The following TRAK1 variants were observed in gnomAD, a reference collection of about 807,000 sequenced individuals.
TRAK1 encodes trafficking kinesin protein 1.
TRAK1 carries 33 observed loss-of-function variants against 92.1 expected under a neutral mutation model. The observed-to-expected ratio is 0.36, with a 90% confidence interval of 0.27 to 0.48. TRAK1 has a LOEUF of 0.48. Ranked by LOEUF, TRAK1 falls within the 20% of genes least tolerant of loss-of-function variation. TRAK1 has a pLI of 0.99. For missense variants in TRAK1, 1,123 were observed against 1,257.9 expected (o/e 0.89, Z 1.62); for synonymous variants, 521 against 517.3 (o/e 1.01, Z -0.10).
intron 1 of TRAK1, among the ~76,000 whole-genome samples, chr3:42,109,966 C>G (rs1343575670): frequency 1.3e-5 from 2 of 148,950 alleles, no homozygotes; most frequent in African/African-American, 2.5e-5. Flanking sequence ...GTAGGGGTGG[C>G]GGGGGGGATG....
At chr3:42,124,364 A>G (rs547857716) in intron 1 of TRAK1, among the ~76,000 whole-genome samples, 1 of 152,306 alleles carries the variant, frequency 6.6e-6, no homozygotes, top group East Asian at 1.9e-4. Flanking sequence ...GATACAGTGG[A>G]TGATGCCAGA....
At chr3:42,061,630 T>C (rs1311059942) in intron 1 of TRAK1, among the ~76,000 whole-genome samples, 1 of 152,202 alleles carries the variant, frequency 6.6e-6, no homozygotes, top group African/African-American at 2.4e-5. Flanking sequence ...CCAGCCATCA[T>C]GTGAGAATTC....
intron 1 of TRAK1, among the ~76,000 whole-genome samples, chr3:42,052,509 C>T (rs1262540091): frequency 2.0e-5 from 3 of 152,212 alleles, no homozygotes; most frequent in African/African-American, 7.2e-5. Flanking sequence ...AAATAACCCT[C>T]CAGCTTAAGG....
chr3:42,121,616 G>A (rs1043096525), intron 1 of TRAK1, among the ~76,000 whole-genome samples: 8 of 152,144 alleles, frequency 5.3e-5, no homozygotes, highest in African/African-American at 1.9e-4. Context: ...GGCCTTGGAT[G>A]TGTCCTCCCC....
chr3:42,112,752 A>AAAAG (rs1553720684), intron 1 of TRAK1, among the ~76,000 whole-genome samples: 7,862 of 139,380 alleles, frequency 0.056, 427 homozygotes, highest in Middle Eastern at 0.11. Flanking sequence ...AAAAAAAAAA[A>AAAAG]AAAACCAACT....
intron 7 of TRAK1, 102 bp from the exon 8 acceptor site, chr3:42,192,973 A>G (rs1450435843): frequency 9.3e-6 from 14 of 1,507,846 alleles, no homozygotes; most frequent in Non-Finnish European, 1.2e-5. Flanking sequence ...GTCTTTTAGT[A>G]AGGATGGTTT....
chr3:42,204,797 G>T (rs1708137282), intron 13 of TRAK1, among the ~76,000 whole-genome samples: 1 of 152,048 alleles, frequency 6.6e-6, no homozygotes, highest in African/African-American at 2.4e-5. Context: ...GCCTAGGCCG[G>T]TCTTGAACCA....
intron 10 of TRAK1, 152 bp downstream of exon 10, chr3:42,195,093 T>A: frequency 1.0e-6 from 1 of 969,364 alleles, no homozygotes; most frequent in Non-Finnish European, 1.5e-6. Context: ...CACTTGAATC[T>A]GACTGGTGGT....
At position 42,119,998 on chromosome 3, in the gene TRAK1, C is replaced by T. The variant is rs537324698; in HGVS notation, c.92-5422C>T. On this transcript the variant is annotated intron_variant, in intron 1 of 15. Transcript: ENST00000327628. ...GGAGGGTCATTTGAGGTCAGGAGTT[C>T]GAGACTAGCCTGGTCACCACAGTGA... Among the ~76,000 whole-genome samples the T allele has an allele frequency of 8.0e-4, 122 of 152,024 alleles. No homozygotes were observed. In the Middle Eastern group the frequency reaches 0.014, roughly 17 times the overall value.
chr3:42,193,905 A>G lies in TRAK1; in HGVS notation c.975+7A>G. The stretch of plus-strand genomic sequence containing the variant: ...GCGGCAGCTCACAGCCGAGGTGAGC[A>G]CCTCTCCCTCATTCCTTCAGTGCCT... On this transcript the variant is annotated splice_region_variant and intron_variant, in intron 9 of 15. Coordinates refer to ENST00000327628, the MANE Select transcript of TRAK1 (RefSeq NM_001042646.3). 6.2e-7 allele frequency: 1 copy of G among 1,613,000 alleles called. No individual in the cohort carries two copies. Among genetic ancestry groups the G allele is most frequent in the Non-Finnish European group, 8.5e-7 (1 of 1,179,444 alleles).
At chr3:42,021,333 A>G (rs551731878) in intron 1 of TRAK1, among the ~76,000 whole-genome samples, 38 of 152,304 alleles carry the variant, frequency 2.5e-4, no homozygotes, top group African/African-American at 8.4e-4. Flanking sequence ...GCAGAATACT[A>G]TGGGAATTGT....
chr3:42,196,996 TCTCTCTCA>T (rs1559915671), intron 10 of TRAK1, among the ~76,000 whole-genome samples: 23 of 92,646 alleles, frequency 2.5e-4, no homozygotes, highest in South Asian at 4.9e-4. Context: ...TCTCTCTCTC[TCTCTCTCA>T]CACACACACA....
At chr3:42,138,072 T>A (rs1425145097) in intron 2 of TRAK1, among the ~76,000 whole-genome samples, 1 of 152,226 alleles carries the variant, frequency 6.6e-6, no homozygotes, top group Non-Finnish European at 1.5e-5. Context: ...AATAGGGACC[T>A]TTAATTTTTG....
chr3:42,104,168 G>A (rs947158539), intron 1 of TRAK1, among the ~76,000 whole-genome samples: 25 of 152,126 alleles, frequency 1.6e-4, no homozygotes, highest in Non-Finnish European at 2.8e-4. Flanking sequence ...CAAAACAGCC[G>A]GGAAGCTCGA....
Position 42,193,209 on chromosome 3 carries a change from A to C in TRAK1, c.900+4A>C. On this transcript the variant is annotated splice_donor_region_variant and intron_variant, in intron 8 of 15. Transcript: ENST00000327628. ...TTTGCAGAAAAAGGCAAAAGCTGTAAGGCTTCTCTGTTTATCTGGCTGATA... is the reference window on the plus strand; with the variant it reads ...TTTGCAGAAAAAGGCAAAAGCTGTACGGCTTCTCTGTTTATCTGGCTGATA... 6.2e-7 allele frequency: 1 copy of C among 1,613,924 alleles called. No homozygotes were observed. Among genetic ancestry groups the C allele is most frequent in the Non-Finnish European group, 8.5e-7 (1 of 1,179,906 alleles).
At chr3:42,189,801 G>A (rs1001483033) in intron 6 of TRAK1, among the ~76,000 whole-genome samples, 1 of 152,136 alleles carries the variant, frequency 6.6e-6, no homozygotes, top group Non-Finnish European at 1.5e-5. Context: ...AAAGTGCTGG[G>A]GTTACAGGCG....
intron 10 of TRAK1, among the ~76,000 whole-genome samples, chr3:42,197,821 A>G (rs1213698812): frequency 3.3e-5 from 5 of 152,234 alleles, no homozygotes; most frequent in Admixed American, 3.3e-4. Context: ...AGACCGGAGC[A>G]TCCGCATGGA....
intron 2 of TRAK1, among the ~76,000 whole-genome samples, chr3:42,130,980 C>A (rs191902979): frequency 1.8e-4 from 27 of 152,194 alleles, no homozygotes; most frequent in Non-Finnish European, 3.8e-4. Flanking sequence ...TTATTATACC[C>A]CCATTTTCAC....
intron 13 of TRAK1, among the ~76,000 whole-genome samples, chr3:42,207,714 A>T (rs765010952): frequency 1.3e-5 from 2 of 152,226 alleles, no homozygotes; most frequent in African/African-American, 4.8e-5. Context: ...GGAGCCCACG[A>T]ACTGGTCTCT....
Sources: allele counts gnomAD v4.1 joint callset (sites outside exome capture counted in the v4.1 genomes callset), GRCh38; gene constraint gnomAD v4.1.1; transcripts MANE v1.5; gene names NCBI Gene and HGNC (gene_info 2026-07-23, HGNC 2026-07-21).